SHANK2: variants seen among roughly 807,000 people sequenced by gnomAD.
SHANK2 encodes the protein SH3 and multiple ankyrin repeat domains protein 2.
Under a neutral mutation model 133.7 loss-of-function variants are expected in SHANK2, and 43 were observed. The observed-to-expected ratio is 0.32, with a 90% CI of 0.25 to 0.41. The LOEUF is 0.41. SHANK2 is among the 10% of genes least tolerant of loss of function. SHANK2 has a pLI of 1.00. For synonymous variants in SHANK2, 1,017 were observed against 952.8 expected, an observed-to-expected ratio of 1.07 and a Z score of -1.24; for missense variants, 1,994 against 2,235.8, an observed-to-expected ratio of 0.89 and a Z score of 2.18.
intron 14 of SHANK2, among the ~76,000 whole-genome samples, chr11:70,790,246 C>T (rs2135172744): frequency 6.6e-6 from 1 of 152,322 alleles, no homozygotes; most frequent in East Asian, 1.9e-4. Context: ...ATGCGGAAGG[C>T]AGTCAAGTCC....
intron 1 of SHANK2, among the ~76,000 whole-genome samples, chr11:71,242,766 C>T (rs1322222709): frequency 6.6e-6 from 1 of 152,342 alleles, no homozygotes; most frequent in East Asian, 1.9e-4. Context: ...CCACAAAAGA[C>T]GGCAGAATAC....
intron 14 of SHANK2, among the ~76,000 whole-genome samples, chr11:70,797,644 C>T (rs982364187): frequency 3.3e-5 from 5 of 152,174 alleles, no homozygotes; most frequent in Admixed American, 2.0e-4. Context: ...GCAATGGGCC[C>T]GTTTGGACAG....
intron 14 of SHANK2, among the ~76,000 whole-genome samples, chr11:70,750,765 C>G (rs949985155): frequency 1.3e-5 from 2 of 152,116 alleles, no homozygotes; most frequent in African/African-American, 4.8e-5. Flanking sequence ...CCACCATCTC[C>G]AAGCTTGGCG....
At chr11:70,489,260 G>C in intron 24 of SHANK2, 68 bp downstream of exon 24, 1 of 1,472,044 alleles carries the variant, frequency 6.8e-7, no homozygotes, top group East Asian at 2.3e-5. Flanking sequence ...ACTAATTTAA[G>C]AATACACCTT....
chr11:71,073,147 C>G (rs1323382870), intron 9 of SHANK2, among the ~76,000 whole-genome samples: 1 of 62,716 alleles, frequency 1.6e-5, no homozygotes, highest in Non-Finnish European at 3.9e-5. Flanking sequence ...TTTTTCTTTT[C>G]TTTTTTTTCT....
intron 13 of SHANK2, among the ~76,000 whole-genome samples, chr11:70,800,528 T>C (rs920604287): frequency 1.3e-5 from 2 of 152,196 alleles, no homozygotes; most frequent in Non-Finnish European, 2.9e-5. Context: ...CTCATTTGAA[T>C]CTCAAAGGCC....
intron 2 of SHANK2, among the ~76,000 whole-genome samples, chr11:71,204,755 G>T (rs1370757795): frequency 4.6e-5 from 7 of 152,182 alleles, no homozygotes; most frequent in Non-Finnish European, 8.8e-5. Flanking sequence ...TTCTGGGACT[G>T]CTAAGTGATG....
At chr11:71,238,560 A>C (rs986203029) in intron 1 of SHANK2, among the ~76,000 whole-genome samples, 1 of 151,668 alleles carries the variant, frequency 6.6e-6, no homozygotes, top group Non-Finnish European at 1.5e-5. Context: ...TGAACCCAAC[A>C]CTCCCCAAAG....
intron 14 of SHANK2, among the ~76,000 whole-genome samples, chr11:70,772,629 C>G (rs1178607986): frequency 6.6e-6 from 1 of 152,088 alleles, no homozygotes; most frequent in African/African-American, 2.4e-5. Flanking sequence ...AAGGGGTCCC[C>G]TCTCTGCACC....
intron 21 of SHANK2, among the ~76,000 whole-genome samples, chr11:70,497,841 G>A (rs868984795): frequency 2.0e-5 from 3 of 152,248 alleles, no homozygotes; most frequent in Non-Finnish European, 4.4e-5. Flanking sequence ...GGCACCTGGT[G>A]GCTGAGTCTC....
intron 2 of SHANK2, among the ~76,000 whole-genome samples, chr11:71,176,118 T>C (rs1471279630): frequency 3.3e-5 from 5 of 152,126 alleles, no homozygotes; most frequent in Admixed American, 1.3e-4. Flanking sequence ...GCAGTGAACA[T>C]ACAGAAGGGT....
chr11:71,245,692 G>A (rs782134670), intron 1 of SHANK2, among the ~76,000 whole-genome samples: 107 of 152,370 alleles, frequency 7.0e-4, no homozygotes, highest in Non-Finnish European at 1.3e-3. Context: ...CACTGGAGCT[G>A]AATGACCCTC....
chr11:70,526,357 A>G (rs188584864), intron 17 of SHANK2, among the ~76,000 whole-genome samples: 53 of 152,328 alleles, frequency 3.5e-4, no homozygotes, highest in African/African-American at 1.3e-3. Flanking sequence ...TCCTGACAAG[A>G]GACCACTGGC....
At chr11:71,215,827 T>C (rs1954399777) in intron 2 of SHANK2, among the ~76,000 whole-genome samples, 1 of 152,138 alleles carries the variant, frequency 6.6e-6, no homozygotes, top group Non-Finnish European at 1.5e-5. Flanking sequence ...ACAACCTTTT[T>C]AGGGACAAGG....
intron 6 of SHANK2, among the ~76,000 whole-genome samples, chr11:71,108,335 C>T (rs1951832648): frequency 2.0e-5 from 3 of 152,166 alleles, no homozygotes; most frequent in South Asian, 2.1e-4. Flanking sequence ...CGCCCTCCAT[C>T]GCACCACCAT....
At chr11:71,093,458 G>A (rs1555094607) in intron 7 of SHANK2, among the ~76,000 whole-genome samples, 1 of 152,080 alleles carries the variant, frequency 6.6e-6, no homozygotes, top group Non-Finnish European at 1.5e-5. Flanking sequence ...CTGATGGGAG[G>A]TGATGGGTCA....
At chr11:70,885,979 C>T (rs114744763) in intron 11 of SHANK2, among the ~76,000 whole-genome samples, 38 of 152,262 alleles carry the variant, frequency 2.5e-4, no homozygotes, top group African/African-American at 7.7e-4. Context: ...CGCACGTGAC[C>T]GACCCCTTCA....
At position 71,109,069 on chromosome 11, in the gene SHANK2, A is replaced by G. The variant is rs1414543637; in HGVS notation, c.592+872T>C. Among the ~76,000 whole-genome samples, 3 of 152,232 alleles carry G rather than the reference A, an allele frequency of 2.0e-5. No individual in the cohort carries two copies. The East Asian group carries it at 5.8e-4, about 29-fold the overall frequency. On this transcript the variant is annotated intron_variant, in intron 6 of 25. Transcript: ENST00000601538. Reference sequence around the variant, plus strand: ...GACACCAGTATGTGATGATGGCACTATACCATGCAGGGGCCAGAAGCAGGG... The same window carrying G: ...GACACCAGTATGTGATGATGGCACTGTACCATGCAGGGGCCAGAAGCAGGG...
chr11:70,480,230 C>T (rs1352380590), intron 25 of SHANK2, among the ~76,000 whole-genome samples: 1 of 152,206 alleles, frequency 6.6e-6, no homozygotes, highest in East Asian at 1.9e-4. Context: ...ACTCTCTGTC[C>T]CGTGCCTGGG....
Sources: allele counts gnomAD v4.1 joint callset (sites outside exome capture counted in the v4.1 genomes callset), GRCh38; gene constraint gnomAD v4.1.1; transcripts MANE v1.5; gene names NCBI Gene and HGNC (gene_info 2026-07-23, HGNC 2026-07-21).